DPP6: variants seen among roughly 807,000 people sequenced by gnomAD.
The protein encoded by DPP6 is dipeptidyl peptidase like 6.
In DPP6, 69 loss-of-function variants were observed where a neutral mutation model predicts 122.6. The ratio of observed to expected loss-of-function variants is 0.56; its 90% CI spans 0.46 to 0.69. The LOEUF is 0.69. Ranked by LOEUF, DPP6 falls within the 30% of genes least tolerant of loss-of-function variation. DPP6 has a pLI of 0.00. For synonymous variants in DPP6, 418 were observed against 433.1 expected (o/e 0.97, Z 0.43); for missense variants, 928 against 1,116.9 (o/e 0.83, Z 2.41).
At chr7:154,888,828 G>A (rs1166327767) in intron 23 of DPP6, among the ~76,000 whole-genome samples, 1 of 152,212 alleles carries the variant, frequency 6.6e-6, no homozygotes, top group Admixed American at 6.5e-5. Flanking sequence ...ACATGGCTGG[G>A]GAAGCCTCAC....
At chr7:153,810,393 C>T in the DPP6 span, among the ~76,000 whole-genome samples, 2 of 152,222 alleles carry the variant, frequency 1.3e-5, no homozygotes, top group Admixed American at 6.5e-5. Flanking sequence ...AATAAACCTT[C>T]ATCCTTTACA....
chr7:154,272,504 C>G (rs1803860852), intron 1 of DPP6, among the ~76,000 whole-genome samples: 1 of 152,216 alleles, frequency 6.6e-6, no homozygotes, highest in Non-Finnish European at 1.5e-5. Context: ...CACCTAAAGA[C>G]TCATTGCAAA....
At chr7:153,871,738 G>A in the DPP6 span, among the ~76,000 whole-genome samples, 11 of 152,164 alleles carry the variant, frequency 7.2e-5, no homozygotes, top group African/African-American at 1.9e-4. Flanking sequence ...CACCTTCTGC[G>A]TCGCTCACGC....
intron 1 of DPP6, among the ~76,000 whole-genome samples, chr7:153,937,439 T>G (rs965376170): frequency 9.5e-4 from 4 of 4,228 alleles, no homozygotes; most frequent in Admixed American, 3.9e-3. Flanking sequence ...AGAGCTAACT[T>G]TTTTTTTTTT....
chr7:153,958,100 G>C (rs1321652890), intron 1 of DPP6, among the ~76,000 whole-genome samples: 1 of 152,098 alleles, frequency 6.6e-6, no homozygotes, highest in Non-Finnish European at 1.5e-5. Flanking sequence ...GGAGGCGGAG[G>C]TTGCAGTGAG....
At chr7:154,013,232 G>A (rs1455587917) in intron 1 of DPP6, among the ~76,000 whole-genome samples, 1 of 152,138 alleles carries the variant, frequency 6.6e-6, no homozygotes, top group East Asian at 1.9e-4. Context: ...TATTTCCCTA[G>A]TTGTGTAATT....
chr7:153,813,844 A>G, the DPP6 span, among the ~76,000 whole-genome samples: 8 of 151,904 alleles, frequency 5.3e-5, no homozygotes, highest in Admixed American at 5.2e-4. Context: ...GTGTCTGTTC[A>G]TGTCCTTCGC....
In DPP6 at chr7:154,171,037, A is replaced by C. The variant is rs143223352; in HGVS notation, c.243+117974A>C. ...GCTGCTCGCTGGTGCATGCTTAGAA[A>C]ACCCAGTCAGCTTGTTTTGACCTAA... On this transcript the variant is annotated intron_variant, in intron 1 of 25. Transcript: ENST00000377770. Among the ~76,000 whole-genome samples the C allele has an allele frequency of 2.8e-3, 429 of 152,220 alleles. 2 individuals are homozygous for C. The highest frequency in any genetic ancestry group is 9.9e-3 in the African/African-American group (413 of 41,520).
At chr7:154,023,318 G>GCACGCGCACGCACA (rs373378162) in intron 1 of DPP6, among the ~76,000 whole-genome samples, 57 of 129,616 alleles carry the variant, frequency 4.4e-4, no homozygotes, top group African/African-American at 1.8e-3. Flanking sequence ...TTTCTTGTCT[G>GCACGCGCACGCACA]CACACACACA....
In DPP6 at chr7:154,376,633, A is replaced by G. The variant is rs577267403; in HGVS notation, c.244-69581A>G. On this transcript the variant is annotated intron_variant, in intron 1 of 25. Coordinates refer to ENST00000377770, the MANE Select transcript of DPP6 (RefSeq NM_130797.4). The stretch of plus-strand genomic sequence containing the variant: ...TTAGATTCAGCTCTTTATACACACA[A>G]TGACCCCTCCTGGTTAATTGACTTG... 2.1e-3 allele frequency among the ~76,000 whole-genome samples: 315 copies of G among 152,340 alleles called. 2 individuals are homozygous for G. The highest frequency in any genetic ancestry group is 1.3e-3 in the Non-Finnish European group (86 of 68,034).
At chr7:153,947,623 G>C (rs1347509321) in intron 1 of DPP6, among the ~76,000 whole-genome samples, 2 of 152,234 alleles carry the variant, frequency 1.3e-5, no homozygotes, top group African/African-American at 4.8e-5. Flanking sequence ...GACCCGAAGA[G>C]ACAGTGATGC....
chr7:154,803,885 A>G lies in DPP6; in HGVS notation c.1429A>G (p.Ile477Val). Residue 477 changes from isoleucine to valine, a missense_variant, in exon 14 of 26, where the codon ATC becomes GTC. Ile to Val is a conservative substitution (Grantham distance 29). Coordinates refer to ENST00000377770, the MANE Select transcript of DPP6 (RefSeq NM_130797.4). ...TCAGCCCAACAGCAGCAACGACAACATCCAGTCCATCACCTCCGGGGACTG... is the reference window on the plus strand; with the variant it reads ...TCAGCCCAACAGCAGCAACGACAACGTCCAGTCCATCACCTCCGGGGACTG... ...SSQPNSSNDN[I>V]QSITSGDWDV... 2 of 1,613,884 alleles carry G rather than the reference A, an allele frequency of 1.2e-6. No individual in the cohort carries two copies. The highest frequency in any genetic ancestry group is 1.7e-6 in the Non-Finnish European group (2 of 1,179,824).
intron 1 of DPP6, among the ~76,000 whole-genome samples, chr7:154,248,556 T>C (rs199838158): frequency 1.5e-4 from 23 of 152,300 alleles, no homozygotes; most frequent in East Asian, 1.4e-3. Context: ...CAAATGATCA[T>C]GTATGTTTGT....
At chr7:154,363,996 C>T (rs554918147) in intron 1 of DPP6, among the ~76,000 whole-genome samples, 12 of 152,262 alleles carry the variant, frequency 7.9e-5, no homozygotes, top group East Asian at 7.7e-4. Flanking sequence ...AAAGTCAGGG[C>T]GGTGGGGAGT....
chr7:154,063,798 T>C lies in DPP6; in HGVS notation c.243+10735T>C, dbSNP rs1328909589. Reference sequence around the variant, plus strand: ...GACCCACCTGGAGGACTGTGGATATTAGGTGTCCTAGAAGAAAGTTCAAAT... The same window carrying C: ...GACCCACCTGGAGGACTGTGGATATCAGGTGTCCTAGAAGAAAGTTCAAAT... On this transcript the variant is annotated intron_variant, in intron 1 of 25. Coordinates refer to ENST00000377770, the MANE Select transcript of DPP6 (RefSeq NM_130797.4). Among the ~76,000 whole-genome samples, 7 of 151,792 alleles carry C rather than the reference T, an allele frequency of 4.6e-5. No homozygotes were observed. In the East Asian group the frequency reaches 1.2e-3, roughly 26 times the overall value.
chr7:154,158,336 C>A lies in DPP6; in HGVS notation c.243+105273C>A, dbSNP rs554551119. Among the ~76,000 whole-genome samples, 84 of 151,656 alleles carry A rather than the reference C, an allele frequency of 5.5e-4. 3 individuals are homozygous for A. The highest frequency in any genetic ancestry group is 1.7e-3 in the African/African-American group (71 of 41,194). On this transcript the variant is annotated intron_variant, in intron 1 of 25. Coordinates refer to ENST00000377770, the MANE Select transcript of DPP6 (RefSeq NM_130797.4). ...ATGGATATTCTAATTTTTAAAATTTCTTTTTTCCATTTATTTTAATTCTGC... is the reference window on the plus strand; with the variant it reads ...ATGGATATTCTAATTTTTAAAATTTATTTTTTCCATTTATTTTAATTCTGC...
At chr7:153,886,235 C>T (rs929784971), upstream of DPP6, among the ~76,000 whole-genome samples, 1 of 152,082 alleles carries the variant, frequency 6.6e-6, no homozygotes, top group African/African-American at 2.4e-5. Flanking sequence ...AACCTCTGCG[C>T]GCGCTCCTGG....
At chr7:154,138,805 A>G (rs1054682067) in intron 1 of DPP6, among the ~76,000 whole-genome samples, 20 of 152,004 alleles carry the variant, frequency 1.3e-4, no homozygotes, top group African/African-American at 1.9e-4. Context: ...ACAACCATCA[A>G]TGTGAACCTA....
Position 154,589,929 on chromosome 7 carries a change from G to T in DPP6, c.627+23013G>T, listed in dbSNP as rs538757343. 2.0e-5 allele frequency among the ~76,000 whole-genome samples: 3 copies of T among 152,350 alleles called. No homozygotes were observed. In the South Asian group the frequency reaches 6.2e-4, roughly 32 times the overall value. On this transcript the variant is annotated intron_variant, in intron 5 of 25. Transcript: ENST00000377770. ...TAATCGATTGAGTAAATTAGTGAAT[G>T]AATATGTGATTTTAATTCTTCACAT...
Sources: allele counts gnomAD v4.1 joint callset (sites outside exome capture counted in the v4.1 genomes callset), GRCh38; gene constraint gnomAD v4.1.1; transcripts MANE v1.5; gene names NCBI Gene and HGNC (gene_info 2026-07-23, HGNC 2026-07-21).